Variants in TMC2 observed in about 807,000 individuals in gnomAD.
The protein encoded by TMC2 is transmembrane channel-like protein 2.
TMC2 carries 102 observed loss-of-function variants against 105.9 expected under a neutral mutation model. That is an observed-to-expected ratio of 0.96 (90% CI 0.82 to 1.14). The LOEUF (loss-of-function observed/expected upper bound fraction) is 1.14. TMC2 is among the 50% of genes most tolerant of loss of function. The probability of loss-of-function intolerance (pLI) is 0.00; values close to 1 mark genes in which losing one functional copy is unlikely to be tolerated. For synonymous variants in TMC2, 402 were observed against 422.8 expected (o/e 0.95, Z 0.60); for missense variants, 1,093 against 1,134.3 (o/e 0.96, Z 0.52).
Position 2,610,560 on chromosome 20 carries a change from A to C in TMC2, c.1555A>C (p.Thr519Pro). Residue 519 changes from threonine to proline, a missense_variant, in exon 12 of 20, where the codon ACA becomes CCA. Thr to Pro is a conservative substitution (Grantham distance 38). Coordinates refer to ENST00000358864, the MANE Select transcript of TMC2 (RefSeq NM_080751.3). The stretch of plus-strand genomic sequence containing the variant: ...TGCACTCTTCCTGGGGAACCTCTAC[A>C]CATTTCTCTTGGCCCTGATGGATGA... ...IFALFLGNLY[T>P]FLLALMDDVH... 1 of 1,611,684 alleles carries C rather than the reference A, an allele frequency of 6.2e-7. No homozygotes were observed. The highest frequency in any genetic ancestry group is 8.5e-7 in the Non-Finnish European group (1 of 1,178,808).
intron 2 of TMC2, among the ~76,000 whole-genome samples, chr20:2,552,367 T>G (rs1034764830): frequency 3.3e-5 from 5 of 152,368 alleles, no homozygotes; most frequent in African/African-American, 7.2e-5. Context: ...GGGAAGAACT[T>G]ACATTTTAAT....
chr20:2,561,508 A>C (rs1311134091), intron 3 of TMC2, among the ~76,000 whole-genome samples: 1 of 152,214 alleles, frequency 6.6e-6, no homozygotes, highest in African/African-American at 2.4e-5. Flanking sequence ...GAGTAAATAA[A>C]CTGTATTATT....
intron 16 of TMC2, among the ~76,000 whole-genome samples, chr20:2,620,785 A>G (rs919548955): frequency 3.3e-5 from 5 of 152,202 alleles, no homozygotes; most frequent in African/African-American, 9.6e-5. Context: ...GGGCAAAGCT[A>G]TGGGCACAGT....
intron 4 of TMC2, among the ~76,000 whole-genome samples, chr20:2,564,660 C>T (rs536244364): frequency 5.9e-5 from 9 of 152,306 alleles, no homozygotes; most frequent in Middle Eastern, 3.4e-3. Flanking sequence ...TCTCAGGGAC[C>T]GTGACAATCC....
intron 8 of TMC2, among the ~76,000 whole-genome samples, chr20:2,594,295 T>C (rs2086289505): frequency 6.8e-6 from 1 of 146,846 alleles, no homozygotes; most frequent in African/African-American, 2.5e-5. Flanking sequence ...GGGCATGATC[T>C]CTGCTCACTG....
At chr20:2,621,893 C>T (rs369658312) in intron 16 of TMC2, among the ~76,000 whole-genome samples, 2 of 152,154 alleles carry the variant, frequency 1.3e-5, no homozygotes, top group Non-Finnish European at 1.5e-5. Context: ...AAGCCACCAG[C>T]GTGACAAACA....
chr20:2,633,689 T>G (rs530755366), intron 17 of TMC2, among the ~76,000 whole-genome samples: 1 of 152,302 alleles, frequency 6.6e-6, no homozygotes, highest in South Asian at 2.1e-4. Flanking sequence ...TTCTACCTCC[T>G]CCAGTGACTG....
chr20:2,616,291 G>T lies in TMC2; in HGVS notation c.1940+87G>T. On this transcript the variant is annotated intron_variant, in intron 15 of 19. Coordinates refer to ENST00000358864, the MANE Select transcript of TMC2 (RefSeq NM_080751.3). The surrounding 1 kb of genome is among the most constrained non-coding windows in gnomAD (Gnocchi z 4.8). ...GACTTTGCAACTTAACTAGTTGGAA[G>T]AGGCTAGATAAGTCCTCTTGCCTCT... 9.0e-7 allele frequency: 1 copy of T among 1,114,544 alleles called. No homozygotes were observed. 69.0% of individuals were successfully genotyped at this position (1,114,544 alleles called of 1,614,324 possible). A position where few individuals can be genotyped will look rare whatever the true frequency, so the allele number is the denominator to read the frequency against.
chr20:2,570,965 G>A (rs1175855195), intron 4 of TMC2, among the ~76,000 whole-genome samples: 1 of 152,088 alleles, frequency 6.6e-6, no homozygotes. Context: ...GAGTGAAACT[G>A]GACCCCCGCC....
Position 2,537,261 on chromosome 20 carries a change from T to G in TMC2, c.35-8T>G. On this transcript the variant is annotated splice_region_variant and splice_polypyrimidine_tract_variant and intron_variant, in intron 1 of 19. Transcript: ENST00000358864. The stretch of plus-strand genomic sequence containing the variant: ...CCAGCCATTTGTCAGCAATCCTGTC[T>G]CTTACAGCACGAGGCGGAGTGAAAG... 6.3e-7 allele frequency: 1 copy of G among 1,599,964 alleles called. No homozygotes were observed. Among genetic ancestry groups the G allele is most frequent in the African/African-American group, 1.3e-5 (1 of 74,824 alleles).
chr20:2,627,629 T>C lies in TMC2; in HGVS notation c.2306+3233T>C, dbSNP rs552550944. Among the ~76,000 whole-genome samples, 5 of 152,298 alleles carry C rather than the reference T, an allele frequency of 3.3e-5. No individual in the cohort carries two copies. In the East Asian group the frequency reaches 9.6e-4, roughly 29 times the overall value. On this transcript the variant is annotated intron_variant, in intron 17 of 19. Coordinates refer to ENST00000358864, the MANE Select transcript of TMC2 (RefSeq NM_080751.3). ...GGAGGAATGTGGAGCTCACCTCACA[T>C]GCTTCCCTTCTCTCAAGCATCAAGT... is the stretch of plus-strand genomic sequence containing the variant.
intron 17 of TMC2, among the ~76,000 whole-genome samples, chr20:2,632,424 GATC>G (rs2086609994): frequency 6.6e-6 from 1 of 151,930 alleles, no homozygotes; most frequent in East Asian, 1.9e-4. Context: ...ATCGTTCTTT[GATC>G]ATATTCTTTG....
At chr20:2,612,613 A>G (rs1023242039) in intron 13 of TMC2, among the ~76,000 whole-genome samples, 3 of 152,206 alleles carry the variant, frequency 2.0e-5, no homozygotes, top group Non-Finnish European at 4.4e-5. Flanking sequence ...CTATTCTACA[A>G]ATGCAGAGAA....
chr20:2,623,045 T>C (rs1312669807), intron 16 of TMC2, among the ~76,000 whole-genome samples: 1 of 152,138 alleles, frequency 6.6e-6, no homozygotes, highest in Non-Finnish European at 1.5e-5. Context: ...TAGAACTTAC[T>C]GTAATGATGA....
At chr20:2,552,682 ATTTTTGTAT>A (rs1365665558) in intron 2 of TMC2, among the ~76,000 whole-genome samples, 2 of 151,894 alleles carry the variant, frequency 1.3e-5, no homozygotes, top group Non-Finnish European at 2.9e-5. Flanking sequence ...TGCCCAGCTA[ATTTTTGTAT>A]TTTTAGTAGA....
intron 6 of TMC2, among the ~76,000 whole-genome samples, 154 bp downstream of exon 6, chr20:2,579,381 A>T (rs376484297): frequency 6.8e-6 from 1 of 147,886 alleles, no homozygotes; most frequent in Non-Finnish European, 1.5e-5. Flanking sequence ...GCCAAGATTT[A>T]TTTTTTATTT....
intron 2 of TMC2, among the ~76,000 whole-genome samples, chr20:2,540,697 CT>C (rs1042762595): frequency 1.3e-5 from 2 of 150,692 alleles, no homozygotes; most frequent in Non-Finnish European, 2.9e-5. Context: ...TTAATGATGG[CT>C]TCAGACCCAT....
At chr20:2,543,079 A>G (rs1412365759) in intron 2 of TMC2, among the ~76,000 whole-genome samples, 1 of 152,006 alleles carries the variant, frequency 6.6e-6, no homozygotes, top group Non-Finnish European at 1.5e-5. Context: ...TCTACTAAAA[A>G]TACAAAAATT....
At chr20:2,576,339 T>A (rs955804168) in intron 5 of TMC2, among the ~76,000 whole-genome samples, 2 of 152,296 alleles carry the variant, frequency 1.3e-5, no homozygotes, top group Middle Eastern at 3.4e-3. Flanking sequence ...CAATGAAGGA[T>A]AAGAGAATCC....
Sources: gnomAD v4.1 joint callset for allele counts (sites outside exome capture counted in the v4.1 genomes callset) on GRCh38, gnomAD v4.1.1 for gene constraint, Gnocchi (gnomAD v3.1) non-coding constraint, MANE v1.5 for transcripts, NCBI Gene and HGNC (gene_info 2026-07-23, HGNC 2026-07-21) for gene names.